Variants in CNIH3 observed in about 807,000 individuals in gnomAD.
CNIH3 encodes the protein cornichon family AMPA receptor auxiliary protein 3, also known as protein cornichon homolog 3.
A neutral mutation model predicts 24.1 loss-of-function variants in CNIH3; 14 were observed. The ratio of observed to expected loss-of-function variants is 0.58; its 90% CI spans 0.38 to 0.91. The LOEUF is 0.91. Among genes scored for constraint, CNIH3 ranks in the 40% least tolerant of loss-of-function variants. CNIH3 has a pLI of 0.00. For synonymous variants in CNIH3, 68 were observed against 73.8 expected (o/e 0.92, Z 0.40); for missense variants, 178 against 196.8 (o/e 0.90, Z 0.57).
At chr1:224,598,643 C>G (rs1405827519) in intron 3 of CNIH3, among the ~76,000 whole-genome samples, 1 of 152,210 alleles carries the variant, frequency 6.6e-6, no homozygotes, top group Non-Finnish European at 1.5e-5. Flanking sequence ...CAACCTTCAG[C>G]AACCACCACG....
At chr1:224,619,327 A>G (rs1031009689) in intron 1 of CNIH3, among the ~76,000 whole-genome samples, 2 of 152,214 alleles carry the variant, frequency 1.3e-5, no homozygotes, top group African/African-American at 4.8e-5. Flanking sequence ...CAGCTTCTCA[A>G]TGCTCACCCC....
At chr1:224,727,185 C>A (rs1689077447) in intron 3 of CNIH3, among the ~76,000 whole-genome samples, 1 of 152,210 alleles carries the variant, frequency 6.6e-6, no homozygotes, top group African/African-American at 2.4e-5. Context: ...GGAGGATAAA[C>A]AGTGAAGAGC....
At chr1:224,655,298 A>C (rs1685046505) in intron 1 of CNIH3, among the ~76,000 whole-genome samples, 1 of 152,162 alleles carries the variant, frequency 6.6e-6, no homozygotes, top group East Asian at 1.9e-4. Flanking sequence ...TCTTCAGCTG[A>C]TGCCTCCTGT....
At chr1:224,571,463 G>T (rs1480992825) in intron 4 of CNIH3, among the ~76,000 whole-genome samples, 1 of 152,180 alleles carries the variant, frequency 6.6e-6, no homozygotes, top group Non-Finnish European at 1.5e-5. Context: ...GGTGGCTCAT[G>T]CCTGTAATCC....
intron 4 of CNIH3, among the ~76,000 whole-genome samples, chr1:224,572,581 C>T (rs1680866043): frequency 1.3e-5 from 2 of 148,598 alleles, no homozygotes; most frequent in African/African-American, 4.9e-5. Context: ...TACAGCAATC[C>T]TGTTGGAGGA....
intron 1 of CNIH3, among the ~76,000 whole-genome samples, chr1:224,655,112 A>T (rs1685038165): frequency 6.6e-6 from 1 of 152,064 alleles, no homozygotes; most frequent in African/African-American, 2.4e-5. Context: ...AGCTGTTACC[A>T]CCCCTGGGTG....
At chr1:224,636,232 C>T (rs993165611) in intron 1 of CNIH3, among the ~76,000 whole-genome samples, 1 of 151,962 alleles carries the variant, frequency 6.6e-6, no homozygotes, top group Non-Finnish European at 1.5e-5. Flanking sequence ...TTCGGTTTAC[C>T]ATTTGCATAT....
At position 224,618,518 on chromosome 1, in the gene CNIH3, A is replaced by G. The variant is rs76839044; in HGVS notation, c.81+1263A>G. Among the ~76,000 whole-genome samples, 368 of 152,332 alleles carry G rather than the reference A, an allele frequency of 2.4e-3. 9 individuals are homozygous for G. The East Asian group carries it at 0.049, about 20-fold the overall frequency. On this transcript the variant is annotated intron_variant, in intron 1 of 5. Coordinates refer to ENST00000272133, the MANE Select transcript of CNIH3 (RefSeq NM_152495.2). ...GAGTGAGAGTTTGTCTTAAAATAGAACTAAGCAGCTAGAGCAGCTCCTGCT... is the reference window on the plus strand; with the variant it reads ...GAGTGAGAGTTTGTCTTAAAATAGAGCTAAGCAGCTAGAGCAGCTCCTGCT...
chr1:224,547,464 T>A (rs1679744909), intron 3 of CNIH3, among the ~76,000 whole-genome samples: 1 of 151,578 alleles, frequency 6.6e-6, no homozygotes, highest in South Asian at 2.1e-4. Flanking sequence ...ATTCATAATA[T>A]CTAAGGGAAC....
chr1:224,460,979 T>C (rs950145136), intron 1 of CNIH3, among the ~76,000 whole-genome samples: 4 of 151,544 alleles, frequency 2.6e-5, no homozygotes, highest in African/African-American at 9.7e-5. Flanking sequence ...CTTAATTCAT[T>C]GTATATTTTA....
chr1:224,535,935 A>G (rs1679265836), intron 2 of CNIH3, among the ~76,000 whole-genome samples: 1 of 152,222 alleles, frequency 6.6e-6, no homozygotes, highest in African/African-American at 2.4e-5. Context: ...GGAGGGAGCT[A>G]GAAGATAAAC....
At chr1:224,568,160 C>G (rs1013240353) in intron 4 of CNIH3, among the ~76,000 whole-genome samples, 1 of 152,018 alleles carries the variant, frequency 6.6e-6, no homozygotes, top group African/African-American at 2.4e-5. Flanking sequence ...CATGGTGGCA[C>G]GTGCCTGTTA....
intron 1 of CNIH3, among the ~76,000 whole-genome samples, chr1:224,676,223 A>T (rs1195894079): frequency 6.6e-6 from 1 of 152,244 alleles, no homozygotes; most frequent in Non-Finnish European, 1.5e-5. Flanking sequence ...GTGTATTTAC[A>T]TATGCTTACA....
chr1:224,453,790 G>C (rs1289950833), intron 1 of CNIH3, among the ~76,000 whole-genome samples: 3 of 152,136 alleles, frequency 2.0e-5, no homozygotes, highest in African/African-American at 7.2e-5. Context: ...GGGACTACAG[G>C]TGCCCTGCTA....
At chr1:224,484,171 C>A (rs1483789151) in intron 1 of CNIH3, among the ~76,000 whole-genome samples, 94 of 140,422 alleles carry the variant, frequency 6.7e-4, no homozygotes, top group South Asian at 9.1e-4. Flanking sequence ...AACTCTGTCT[C>A]AAAAAAAAAA....
chr1:224,457,271 CTCTCTGTGTGTG>C (rs1401552339), intron 1 of CNIH3, among the ~76,000 whole-genome samples: 4,766 of 82,166 alleles, frequency 0.058, 189 homozygotes, highest in African/African-American at 0.13. Context: ...CCTCCTCTCT[CTCTCTGTGTGTG>C]TGTGTGTGTG....
chr1:224,517,430 C>T (rs1210570472), intron 1 of CNIH3, among the ~76,000 whole-genome samples: 1 of 152,100 alleles, frequency 6.6e-6, no homozygotes, highest in Non-Finnish European at 1.5e-5. Flanking sequence ...GCCTCGCCTT[C>T]CAGGATGTTT....
chr1:224,561,771 G>A (rs746632044), intron 3 of CNIH3, among the ~76,000 whole-genome samples: 1 of 152,146 alleles, frequency 6.6e-6, no homozygotes, highest in African/African-American at 2.4e-5. Context: ...CCCCCAACAA[G>A]TATCTTGCAT....
At chr1:224,456,817 G>A (rs1458444906) in intron 1 of CNIH3, among the ~76,000 whole-genome samples, 1 of 152,204 alleles carries the variant, frequency 6.6e-6, no homozygotes, top group African/African-American at 2.4e-5. Context: ...CTTGCACAAG[G>A]CCTTGTCGTA....
Sources: gnomAD v4.1 joint callset for allele counts (sites outside exome capture counted in the v4.1 genomes callset) on GRCh38, gnomAD v4.1.1 for gene constraint, MANE v1.5 for transcripts, NCBI Gene and HGNC (gene_info 2026-07-23, HGNC 2026-07-21) for gene names.